The following SESTD1 variants were observed in gnomAD, a reference collection of about 807,000 sequenced individuals.
SESTD1 encodes the protein SEC14 domain and spectrin repeat-containing protein 1.
SESTD1 carries 43 observed loss-of-function variants against 101.7 expected under a neutral mutation model. That is an observed-to-expected ratio of 0.42 (90% CI 0.33 to 0.55). The LOEUF (loss-of-function observed/expected upper bound fraction) is 0.55. Ranked by LOEUF, SESTD1 falls within the 20% of genes least tolerant of loss-of-function variation. SESTD1 has a pLI of 0.07. For synonymous variants in SESTD1, 283 were observed against 286.8 expected (o/e 0.99, Z 0.13); for missense variants, 647 against 815.1 (o/e 0.79, Z 2.51).
At chr2:179,160,300 T>C (rs554448316) in intron 5 of SESTD1, among the ~76,000 whole-genome samples, 5 of 152,126 alleles carry the variant, frequency 3.3e-5, no homozygotes, top group South Asian at 2.1e-4. Context: ...ATTCTAAATA[T>C]GAAAACGAAG....
At chr2:179,240,463 A>G (rs1278275544) in intron 1 of SESTD1, among the ~76,000 whole-genome samples, 1 of 152,180 alleles carries the variant, frequency 6.6e-6, no homozygotes, top group Non-Finnish European at 1.5e-5. Context: ...TAGGGGCCTC[A>G]GGACCTAAGA....
intron 1 of SESTD1, among the ~76,000 whole-genome samples, chr2:179,227,725 T>G (rs2046910157): frequency 6.6e-6 from 1 of 152,128 alleles, no homozygotes; most frequent in African/African-American, 2.4e-5. Context: ...TTCCCGGTTT[T>G]CAATGACTTC....
intron 11 of SESTD1, 72 bp from the exon 12 acceptor site, chr2:179,123,901 T>G (rs2044810323): frequency 9.0e-7 from 1 of 1,106,990 alleles, no homozygotes; most frequent in East Asian, 2.4e-5. Context: ...ATTAATGAGG[T>G]TTATATCTAA....
chr2:179,124,397 T>C lies in SESTD1; in HGVS notation c.1134A>G (p.Gln378=). ...CAACACCATGAAATTCAAGAGCTGC[T>C]TGTAAGAGATTTTGCCTAAATTCCA... The part of the protein sequence containing the change: ...SQLEFRQNLL[Q]AALEFHGVAQ... The change falls in exon 11 of 18, where the codon CAA becomes CAG. Residue 378 remains glutamine, a synonymous_variant. Coordinates refer to ENST00000428443, the MANE Select transcript of SESTD1 (RefSeq NM_178123.5). 1 of 1,614,096 alleles carries C rather than the reference T, an allele frequency of 6.2e-7. No individual in the cohort carries two copies. Among genetic ancestry groups the C allele is most frequent in the Non-Finnish European group, 8.5e-7 (1 of 1,179,986 alleles).
intron 1 of SESTD1, among the ~76,000 whole-genome samples, chr2:179,242,546 A>G (rs2047170058): frequency 6.6e-6 from 1 of 152,232 alleles, no homozygotes; most frequent in Admixed American, 6.5e-5. Context: ...GAGGTATTAC[A>G]TTACTCAACT....
At chr2:179,190,224 T>C (rs578017331) in intron 2 of SESTD1, among the ~76,000 whole-genome samples, 16 of 152,176 alleles carry the variant, frequency 1.1e-4, no homozygotes, top group Admixed American at 4.6e-4. Flanking sequence ...TGGAACAGAA[T>C]AGAGATTCCA....
chr2:179,168,842 AAATGCATAAC>A (rs2045881032), intron 5 of SESTD1, among the ~76,000 whole-genome samples: 1 of 152,262 alleles, frequency 6.6e-6, no homozygotes, highest in African/African-American at 2.4e-5. Flanking sequence ...AGTAAAAGTG[AAATGCATAAC>A]AATAATGGGA....
At chr2:179,157,891 C>G (rs2045661506) in intron 5 of SESTD1, among the ~76,000 whole-genome samples, 1 of 152,100 alleles carries the variant, frequency 6.6e-6, no homozygotes, top group South Asian at 2.1e-4. Flanking sequence ...GTGTAATGCA[C>G]AAGATGTAGA....
In SESTD1 at chr2:179,108,236, TGA is replaced by T. The variant is rs2044428088; in HGVS notation, c.*1661_*1662del. 2 of 152,102 alleles carry T rather than the reference TGA, an allele frequency of 1.3e-5. No individual in the cohort carries two copies. Among genetic ancestry groups the T allele is most frequent in the East Asian group, 1.9e-4 (1 of 5,190 alleles). The allele number at this position is 152,102 out of a possible 1,614,324, so 9.4% of individuals were successfully genotyped here. ...CCAAAAGCATTCTGAGGACAGGATC[TGA>T]GAGAGCACATGTTCAGCAGGCACAT... On this transcript the variant is annotated 3_prime_UTR_variant, in exon 18 of 18. Transcript: ENST00000428443.
At chr2:179,217,838 G>C (rs1211807543) in intron 1 of SESTD1, among the ~76,000 whole-genome samples, 1 of 152,150 alleles carries the variant, frequency 6.6e-6, no homozygotes, top group Admixed American at 6.5e-5. Context: ...CAGAAACATG[G>C]ATGAAGCTGG....
intron 5 of SESTD1, among the ~76,000 whole-genome samples, chr2:179,159,349 T>C (rs1193231130): frequency 1.3e-5 from 2 of 152,158 alleles, no homozygotes; most frequent in South Asian, 2.1e-4. Flanking sequence ...CAAGTTTGAA[T>C]AAACAGACAA....
At chr2:179,224,647 C>G (rs1395562681) in intron 1 of SESTD1, among the ~76,000 whole-genome samples, 2 of 152,132 alleles carry the variant, frequency 1.3e-5, no homozygotes, top group African/African-American at 4.8e-5. Context: ...CCCACTAACT[C>G]TGAGAAGGAA....
rs764031049 is a variant in SESTD1 at position 179,204,094 on chromosome 2, T to A, written c.-25-12228A>T. On this transcript the variant is annotated intron_variant, in intron 1 of 17. Transcript: ENST00000428443. ...ACTCACACATTTGATGTGAGAAATA[T>A]TGTCATTGAAAAGTTTCATATATAT... Among the ~76,000 whole-genome samples the A allele has an allele frequency of 1.1e-4, 15 of 133,042 alleles. 3 individuals are homozygous for A. Among genetic ancestry groups the A allele is most frequent in the Non-Finnish European group, 3.2e-5 (2 of 62,230 alleles). 87.3% of individuals were successfully genotyped at this position (133,042 alleles called of 152,430 possible).
rs950545225 is a variant in SESTD1 at position 179,164,106 on chromosome 2, T to C, written c.369+8014A>G. Among the ~76,000 whole-genome samples the C allele has an allele frequency of 2.2e-4, 34 of 152,328 alleles. 1 individual carries two copies. Among genetic ancestry groups the C allele is most frequent in the African/African-American group, 8.2e-4 (34 of 41,580 alleles). On this transcript the variant is annotated intron_variant, in intron 5 of 17. Transcript: ENST00000428443. Reference sequence around the variant, plus strand: ...CTTAGTAAAGATTCATGTGTGTATATATGTTCATACACATACTATTTTGAT... The same window carrying C: ...CTTAGTAAAGATTCATGTGTGTATACATGTTCATACACATACTATTTTGAT...
chr2:179,193,567 T>C (rs1489524686), intron 1 of SESTD1, among the ~76,000 whole-genome samples: 1 of 152,226 alleles, frequency 6.6e-6, no homozygotes, highest in Non-Finnish European at 1.5e-5. Flanking sequence ...GGGGTGATAA[T>C]AATTATTATA....
intron 6 of SESTD1, among the ~76,000 whole-genome samples, chr2:179,150,349 T>TAAAAAAAAA (rs553106299): frequency 7.0e-6 from 1 of 143,164 alleles, no homozygotes; most frequent in Admixed American, 7.0e-5. Context: ...AGTAGTTCAA[T>TAAAAAAAAA]AAAAAAAAAA....
chr2:179,135,438 C>T (rs921914122), intron 9 of SESTD1, among the ~76,000 whole-genome samples: 2 of 151,960 alleles, frequency 1.3e-5, no homozygotes, highest in Non-Finnish European at 2.9e-5. Context: ...ATAAACTTGT[C>T]CCTTCTCTTT....
At chr2:179,202,156 G>T (rs1296418421) in intron 1 of SESTD1, among the ~76,000 whole-genome samples, 2 of 132,546 alleles carry the variant, frequency 1.5e-5, no homozygotes, top group Admixed American at 7.3e-5. Flanking sequence ...GTTTTCTTAC[G>T]GTATTAATCT....
chr2:179,107,398 T>C lies in SESTD1; in HGVS notation c.*2501A>G, dbSNP rs909994202. The C allele has an allele frequency of 6.6e-6, 1 of 152,194 alleles. No homozygotes were observed. Among genetic ancestry groups the C allele is most frequent in the Admixed American group, 6.5e-5 (1 of 15,272 alleles). The allele number at this position is 152,194 out of a possible 1,614,324, so 9.4% of individuals were successfully genotyped here. A position where few individuals can be genotyped will look rare whatever the true frequency, so the allele number is the denominator to read the frequency against. ...CTTATTTTACTTTTTGTAGGCAAGA[T>C]AGCTTAAGGTATATAAAAATTAACT... On this transcript the variant is annotated 3_prime_UTR_variant, in exon 18 of 18. Transcript: ENST00000428443.
Sources: allele counts gnomAD v4.1 joint callset (sites outside exome capture counted in the v4.1 genomes callset), GRCh38; gene constraint gnomAD v4.1.1; transcripts MANE v1.5; gene names NCBI Gene and HGNC (gene_info 2026-07-23, HGNC 2026-07-21).